The following MAML3 variants were observed in gnomAD, a reference collection of about 807,000 sequenced individuals.
MAML3 encodes mastermind-like protein 3.
In MAML3, 27 loss-of-function variants were observed where a neutral mutation model predicts 101.9. That is an observed-to-expected ratio of 0.27 (90% confidence interval 0.20 to 0.37). The LOEUF (loss-of-function observed/expected upper bound fraction) is 0.37, where lower values mean the gene tolerates loss of function less well. Among genes scored for constraint, MAML3 ranks in the 10% least tolerant of loss-of-function variants. The pLI, the probability that MAML3 is intolerant of heterozygous loss-of-function variation, is 1.00. For missense variants in MAML3, 1,316 were observed against 1,444.9 expected (o/e 0.91, Z 1.45); for synonymous variants, 501 against 555.9 (o/e 0.90, Z 1.39).
intron 2 of MAML3, among the ~76,000 whole-genome samples, chr4:139,755,691 T>G (rs1450510448): frequency 6.6e-6 from 1 of 152,180 alleles, no homozygotes; most frequent in Non-Finnish European, 1.5e-5. Flanking sequence ...CATGTCAGTA[T>G]TAAGTAAACA....
At chr4:139,797,698 A>G (rs1730535658) in intron 2 of MAML3, among the ~76,000 whole-genome samples, 1 of 152,192 alleles carries the variant, frequency 6.6e-6, no homozygotes, top group Admixed American at 6.5e-5. Flanking sequence ...CTTGCTTTAA[A>G]GATACTTCAA....
intron 1 of MAML3, among the ~76,000 whole-genome samples, chr4:140,086,527 A>G (rs561242751): frequency 5.3e-5 from 8 of 152,370 alleles, no homozygotes; most frequent in South Asian, 4.1e-4. Flanking sequence ...AGGGAAAAAA[A>G]AAGGCATTTA....
chr4:139,766,429 C>T (rs935782372), intron 2 of MAML3, among the ~76,000 whole-genome samples: 2 of 152,176 alleles, frequency 1.3e-5, no homozygotes. Context: ...ACCTTGGCCT[C>T]CCAAAGTGCT....
At chr4:140,031,899 C>T (rs1460873635) in intron 1 of MAML3, among the ~76,000 whole-genome samples, 1 of 152,158 alleles carries the variant, frequency 6.6e-6, no homozygotes, top group Admixed American at 6.6e-5. Flanking sequence ...TTTCTATTTC[C>T]AGCCTTGCCT....
At chr4:140,046,191 T>C (rs1400194545) in intron 1 of MAML3, among the ~76,000 whole-genome samples, 1 of 152,078 alleles carries the variant, frequency 6.6e-6, no homozygotes, top group African/African-American at 2.4e-5. Context: ...GTGAGCAGAG[T>C]GATGGGGACC....
intron 2 of MAML3, among the ~76,000 whole-genome samples, chr4:139,764,285 T>C (rs79943084): frequency 0.018 from 2,789 of 152,294 alleles, 84 homozygotes; most frequent in African/African-American, 0.063. Context: ...TAGACTCCCT[T>C]ATCAGCAACT....
At position 139,719,637 on chromosome 4, in the gene MAML3, G is replaced by T; in HGVS notation, c.3103C>A (p.Pro1035Thr). 6.2e-7 allele frequency: 1 copy of T among 1,612,430 alleles called. No homozygotes were observed. Residue 1035 changes from proline (P) to threonine (T), a missense_variant, in exon 5 of 5, where the codon CCG becomes ACG. Coordinates refer to ENST00000509479, the MANE Select transcript of MAML3 (RefSeq NM_018717.5). ...GCCTGGCTGGTGCCTTGCTGCCCCG[G>T]GAGCGATGGCATCATCTGCCGACCC... ...AMGRQMMPSL[P>T]GQQGTSQARP...
In MAML3 at chr4:139,719,821, C is replaced by A; in HGVS notation, c.2919G>T (p.Gly973=). The change falls in exon 5 of 5, where the codon GGG becomes GGT. Residue 973 remains glycine (G), a synonymous_variant. Transcript: ENST00000509479. Reference sequence around the variant, plus strand: ...ATGGTCCCAATTCTCCACTAGTCCTCCCAGGCATGCCCTGCAAGCTCCTCT... The same window carrying A: ...ATGGTCCCAATTCTCCACTAGTCCTACCAGGCATGCCCTGCAAGCTCCTCT... The part of the protein sequence containing the change: ...WQQRSLQGMP[G]RTSGELGPFN... 3 of 1,613,584 alleles carry A rather than the reference C, an allele frequency of 1.9e-6. No homozygotes were observed. The South Asian group carries it at 3.3e-5, about 18-fold the overall frequency.
chr4:139,910,621 T>G (rs1230355857), intron 1 of MAML3, among the ~76,000 whole-genome samples: 1 of 152,168 alleles, frequency 6.6e-6, no homozygotes, highest in African/African-American at 2.4e-5. Flanking sequence ...ATGGAGATAT[T>G]AGGAACAAGA....
chr4:140,143,068 G>A (rs1445558079), intron 1 of MAML3, among the ~76,000 whole-genome samples: 6 of 152,204 alleles, frequency 3.9e-5, no homozygotes, highest in African/African-American at 9.7e-5. Context: ...AGCATCTGAC[G>A]CCCTTAGGAT....
At chr4:140,004,099 T>C (rs1156914802) in intron 1 of MAML3, among the ~76,000 whole-genome samples, 2 of 152,216 alleles carry the variant, frequency 1.3e-5, no homozygotes, top group South Asian at 2.1e-4. Flanking sequence ...CGAGACAGAA[T>C]GTGGATTAGC....
intron 2 of MAML3, among the ~76,000 whole-genome samples, chr4:139,851,741 C>T (rs1263876408): frequency 6.6e-6 from 1 of 152,192 alleles, no homozygotes; most frequent in African/African-American, 2.4e-5. Flanking sequence ...CATGGCTATG[C>T]TTGCAGACTG....
At chr4:139,819,836 T>C (rs999046447) in intron 2 of MAML3, among the ~76,000 whole-genome samples, 9 of 76,170 alleles carry the variant, frequency 1.2e-4, no homozygotes, top group African/African-American at 2.6e-4. Context: ...ATGACAAAAG[T>C]CCTTCCAGGA....
intron 1 of MAML3, among the ~76,000 whole-genome samples, chr4:139,897,619 T>C (rs948454533): frequency 1.3e-5 from 2 of 152,168 alleles, no homozygotes; most frequent in Non-Finnish European, 2.9e-5. Flanking sequence ...TCAATATGTC[T>C]CTCATGAATT....
intron 1 of MAML3, 151 bp downstream of exon 1, chr4:140,152,709 A>G: frequency 7.3e-7 from 1 of 1,377,436 alleles, no homozygotes; most frequent in Non-Finnish European, 9.5e-7. Flanking sequence ...TTTTTCCCTA[A>G]GAAAAGTTGA....
chr4:139,770,055 G>A (rs1397774626), intron 2 of MAML3, among the ~76,000 whole-genome samples: 1 of 151,954 alleles, frequency 6.6e-6, no homozygotes, highest in Non-Finnish European at 1.5e-5. Context: ...GAGTAGCTGG[G>A]ACCACAGGTG....
At chr4:140,076,041 C>T (rs1478632152) in intron 1 of MAML3, among the ~76,000 whole-genome samples, 2 of 151,484 alleles carry the variant, frequency 1.3e-5, no homozygotes, top group Non-Finnish European at 1.5e-5. Context: ...GGATTACAGG[C>T]GTGAGCCACC....
Position 139,902,263 on chromosome 4 carries a change from G to GCGCGCGCA in MAML3, c.469-11297_469-11296insTGCGCGCG, listed in dbSNP as rs1182551411. On this transcript the variant is annotated intron_variant, in intron 1 of 4. Coordinates refer to ENST00000509479, the MANE Select transcript of MAML3 (RefSeq NM_018717.5). ...GGCGCGCACGCACACGCACACACAC[G>GCGCGCGCA]CACACACACACGCACACACACACAC... Among the ~76,000 whole-genome samples the GCGCGCGCA allele has an allele frequency of 1.4e-3, 92 of 63,944 alleles. 1 individual carries two copies. The highest frequency in any genetic ancestry group is 6.5e-3 in the South Asian group (10 of 1,546). 41.9% of individuals were successfully genotyped at this position (63,944 alleles called of 152,430 possible). A position where few individuals can be genotyped will look rare whatever the true frequency, so the allele number is the denominator to read the frequency against.
rs368236294 is a variant in MAML3 at position 139,841,799 on chromosome 4, C to T, written c.2079+47558G>A. 3.9e-5 allele frequency among the ~76,000 whole-genome samples: 6 copies of T among 152,276 alleles called. No homozygotes were observed. The South Asian group carries it at 8.3e-4, about 21-fold the overall frequency. The stretch of plus-strand genomic sequence containing the variant: ...AGGAAGTTACATTTCTTACAGGCTG[C>T]CCATTAGCATAATGAAAAGGCAAGT... On this transcript the variant is annotated intron_variant, in intron 2 of 4. Coordinates refer to ENST00000509479, the MANE Select transcript of MAML3 (RefSeq NM_018717.5).
Sources: allele counts gnomAD v4.1 joint callset (sites outside exome capture counted in the v4.1 genomes callset), GRCh38; gene constraint gnomAD v4.1.1; transcripts MANE v1.5; gene names NCBI Gene and HGNC (gene_info 2026-07-23, HGNC 2026-07-21).